The following SLC29A4 variants were observed in gnomAD, a reference collection of about 807,000 sequenced individuals.
SLC29A4 encodes solute carrier family 29 member 4.
In SLC29A4, 36 loss-of-function variants were observed where a neutral mutation model predicts 43.9. The ratio of observed to expected loss-of-function variants is 0.82; its 90% CI spans 0.63 to 1.08. The LOEUF (loss-of-function observed/expected upper bound fraction) is 1.08, where lower values mean the gene tolerates loss of function less well. Among genes scored for constraint, SLC29A4 ranks in the 50% least tolerant of loss-of-function variants. SLC29A4 has a pLI of 0.00. For synonymous variants in SLC29A4, 491 were observed against 338.0 expected, an observed-to-expected ratio of 1.45 and a Z score of -4.97; for missense variants, 869 against 755.3, an observed-to-expected ratio of 1.15 and a Z score of -1.77.
At chr7:5,297,608 G>A (rs7786915) in intron 7 of SLC29A4, among the ~76,000 whole-genome samples, 63,814 of 152,154 alleles carry the variant, frequency 0.42, 14,141 homozygotes, top group East Asian at 0.64. Flanking sequence ...CCTCCTGCAG[G>A]CTCAGCCTGG....
Position 5,300,612 on chromosome 7 carries a change from C to T in SLC29A4, c.1400C>T (p.Pro467Leu), listed in dbSNP as rs773211436. The change falls in exon 10 of 11, where the codon CCC (proline) becomes CTC (leucine). Residue 467 changes from proline to leucine, a missense_variant. Coordinates refer to ENST00000396872, the MANE Select transcript of SLC29A4 (RefSeq NM_153247.4). ...GISNGYFGSV[P>L]MILAAGKVSP... ...AGCAACGGCTACTTCGGCAGCGTGCCCATGATCCTGGCGGCAGGCAAAGTG... is the reference window on the plus strand; with the variant it reads ...AGCAACGGCTACTTCGGCAGCGTGCTCATGATCCTGGCGGCAGGCAAAGTG... The T allele has an allele frequency of 1.9e-6, 3 of 1,610,640 alleles. No homozygotes were observed. Among genetic ancestry groups the T allele is most frequent in the Non-Finnish European group, 2.5e-6 (3 of 1,178,734 alleles).
chr7:5,291,135 G>A lies in SLC29A4; in HGVS notation c.313G>A (p.Val105Met), dbSNP rs761330090. Residue 105 changes from valine to methionine, a missense_variant, in exon 4 of 11, where the codon GTG (valine) becomes ATG (methionine). Val to Met is a conservative substitution (Grantham distance 21). Coordinates refer to ENST00000396872, the MANE Select transcript of SLC29A4 (RefSeq NM_153247.4). Reference sequence around the variant, plus strand: ...CTGGCCCTCTGCAGGGACCTCCATCGTGTTTGACATGAGCCTCACCTACAT... The same window carrying A: ...CTGGCCCTCTGCAGGGACCTCCATCATGTTTGACATGAGCCTCACCTACAT... ...LHHKYPGTSI[V>M]FDMSLTYILV... 45 of 1,613,722 alleles carry A rather than the reference G, an allele frequency of 2.8e-5. No homozygotes were observed. In the Admixed American group the frequency reaches 5.5e-4, roughly 20 times the overall value.
chr7:5,286,057 G>A (rs1784925327), intron 1 of SLC29A4, among the ~76,000 whole-genome samples: 1 of 151,948 alleles, frequency 6.6e-6, no homozygotes, highest in Admixed American at 6.6e-5. Flanking sequence ...CTGGGCCTGT[G>A]GGACCCCATG....
At chr7:5,285,589 C>T (rs1784896305) in intron 1 of SLC29A4, among the ~76,000 whole-genome samples, 2 of 152,288 alleles carry the variant, frequency 1.3e-5, no homozygotes, top group South Asian at 2.1e-4. Context: ...CAGGGAGGTG[C>T]TTGGTAACTG....
At chr7:5,290,443 C>T (rs1235748983) in intron 2 of SLC29A4, among the ~76,000 whole-genome samples, 7 of 152,312 alleles carry the variant, frequency 4.6e-5, no homozygotes, top group Non-Finnish European at 8.8e-5. Flanking sequence ...GTGATCTGCC[C>T]GCCTTGGCCT....
At chr7:5,295,352 C>T (rs1785578144) in intron 6 of SLC29A4, among the ~76,000 whole-genome samples, 1 of 152,194 alleles carries the variant, frequency 6.6e-6, no homozygotes, top group Non-Finnish European at 1.5e-5. Flanking sequence ...ACACACAAGC[C>T]ACCCCCTGGT....
Position 5,287,927 on chromosome 7 carries a change from G to A in SLC29A4, c.111G>A (p.Ala37=), listed in dbSNP as rs149488369. 2.0e-4 allele frequency: 325 copies of A among 1,611,810 alleles called. 1 individual carries two copies. The highest frequency in any genetic ancestry group is 1.3e-3 in the Admixed American group (78 of 59,976). Residue 37 remains alanine (A), a synonymous_variant, in exon 2 of 11, where the codon GCG becomes GCA. Coordinates refer to ENST00000396872, the MANE Select transcript of SLC29A4 (RefSeq NM_153247.4). ...TFDSHQLEEA[A]EAAQGQGLRA... Reference sequence around the variant, plus strand: ...ACAGTCACCAGCTGGAGGAGGCGGCGGAGGCGGCTCAGGGCCAGGGCCTTA... The same window carrying A: ...ACAGTCACCAGCTGGAGGAGGCGGCAGAGGCGGCTCAGGGCCAGGGCCTTA...
At position 5,287,959 on chromosome 7, in the gene SLC29A4, G is replaced by A. The variant is rs1337146096; in HGVS notation, c.143G>A (p.Arg48Lys). The A allele has an allele frequency of 3.7e-6, 6 of 1,609,720 alleles. No homozygotes were observed. The African/African-American group carries it at 8.0e-5, about 22-fold the overall frequency. The change falls in exon 2 of 11, where the codon AGG becomes AAG. Residue 48 changes from arginine (R) to lysine (K), a missense_variant. Arg to Lys is a conservative substitution (Grantham distance 26). Transcript: ENST00000396872. ...EAAQGQGLRA[R>K]GVPAFTDTTL... ...GCTCAGGGCCAGGGCCTTAGGGCCAGGGGCGTCCCAGCTTTCACGGATACT... is the reference window on the plus strand; with the variant it reads ...GCTCAGGGCCAGGGCCTTAGGGCCAAGGGCGTCCCAGCTTTCACGGATACT...
intron 1 of SLC29A4, among the ~76,000 whole-genome samples, chr7:5,286,227 T>A (rs1214737779): frequency 6.6e-6 from 1 of 151,840 alleles, no homozygotes; most frequent in Non-Finnish European, 1.5e-5. Context: ...ATACACGTTA[T>A]TAGAAAAAAA....
intron 10 of SLC29A4, among the ~76,000 whole-genome samples, chr7:5,301,565 G>T (rs1454917322): frequency 2.6e-5 from 4 of 152,210 alleles, no homozygotes; most frequent in Non-Finnish European, 5.9e-5. Context: ...GAGGAACGGG[G>T]TTTGATGGTT....
intron 1 of SLC29A4, among the ~76,000 whole-genome samples, chr7:5,283,649 G>A (rs951598376): frequency 6.6e-6 from 1 of 152,198 alleles, no homozygotes; most frequent in Non-Finnish European, 1.5e-5. Context: ...TCCCCGGGGG[G>A]CTGCAGAAAG....
At position 5,291,799 on chromosome 7, in the gene SLC29A4, C is replaced by T; in HGVS notation, c.522C>T (p.Gly174=). ...QAYAINLAAV[G]TVAFGCTVQQ... Reference sequence around the variant, plus strand: ...ACGCCATCAACCTGGCCGCTGTGGGCACCGTGGCCTTCGGCTGCACAGGTA... The same window carrying T: ...ACGCCATCAACCTGGCCGCTGTGGGTACCGTGGCCTTCGGCTGCACAGGTA... Residue 174 remains glycine, a synonymous_variant, in exon 5 of 11, where the codon GGC becomes GGT. Coordinates refer to ENST00000396872, the MANE Select transcript of SLC29A4 (RefSeq NM_153247.4). 6.2e-7 allele frequency: 1 copy of T among 1,611,918 alleles called. No individual in the cohort carries two copies. The highest frequency in any genetic ancestry group is 8.5e-7 in the Non-Finnish European group (1 of 1,179,752).
chr7:5,290,669 C>T, intron 2 of SLC29A4, 63 bp from the exon 3 acceptor site: 1 of 1,556,966 alleles, frequency 6.4e-7, no homozygotes, highest in Non-Finnish European at 8.7e-7. Context: ...GGACATCGCC[C>T]TGTGCGGTGA....
At chr7:5,283,624 C>T (rs1489420014) in intron 1 of SLC29A4, among the ~76,000 whole-genome samples, 1 of 152,148 alleles carries the variant, frequency 6.6e-6, no homozygotes. Flanking sequence ...AGCCTGTGGC[C>T]CCTGCATGCA....
intron 2 of SLC29A4, among the ~76,000 whole-genome samples, chr7:5,288,348 C>CA (rs1365529915): frequency 1.4e-4 from 20 of 142,634 alleles, no homozygotes; most frequent in African/African-American, 2.7e-4. Context: ...CTCTGTCACC[C>CA]GGCTGGAGTG....
rs753649281 is a variant in SLC29A4 at position 5,302,914 on chromosome 7, A to G, written c.1568A>G (p.Asn523Ser). 5 of 1,608,264 alleles carry G rather than the reference A, an allele frequency of 3.1e-6. No individual in the cohort carries two copies. The highest frequency in any genetic ancestry group is 2.2e-5 in the South Asian group (2 of 90,048). ...AGCTGCCTGCACGCCTCCACCGCCA[A>G]TGGTTCCATCCTCGCAGGCCTCTGA... ...HGSCLHASTA[N>S]GSILAGL Residue 523 changes from asparagine (N) to serine (S), a missense_variant, in exon 11 of 11, where the codon AAT becomes AGT. By Grantham distance (46) the Asn-to-Ser change is conservative. Transcript: ENST00000396872.
chr7:5,288,134 TAACA>T (rs1479959026), intron 2 of SLC29A4, 149 bp downstream of exon 2: 1 of 1,079,366 alleles, frequency 9.3e-7, no homozygotes, highest in Admixed American at 3.1e-5. Context: ...ATCTGCTGCA[TAACA>T]AACACGCCCA....
At chr7:5,284,697 G>T (rs1784851034) in intron 1 of SLC29A4, among the ~76,000 whole-genome samples, 1 of 151,902 alleles carries the variant, frequency 6.6e-6, no homozygotes, top group African/African-American at 2.4e-5. Flanking sequence ...CCCAGGAAAG[G>T]TGGGGGAGAG....
intron 5 of SLC29A4, among the ~76,000 whole-genome samples, chr7:5,293,036 C>T (rs1007765721): frequency 4.0e-5 from 6 of 151,274 alleles, no homozygotes; most frequent in African/African-American, 1.5e-4. Flanking sequence ...TTTTTCTGAC[C>T]CAACATCCTC....
Sources: allele counts gnomAD v4.1 joint callset (sites outside exome capture counted in the v4.1 genomes callset), GRCh38; gene constraint gnomAD v4.1.1; transcripts MANE v1.5; gene names NCBI Gene and HGNC (gene_info 2026-07-23, HGNC 2026-07-21).